Variants in PTPRN2 observed in about 807,000 individuals in gnomAD.
PTPRN2 encodes the protein protein tyrosine phosphatase receptor type N2.
In PTPRN2, 74 loss-of-function variants were observed where a neutral mutation model predicts 118.8. The ratio of observed to expected loss-of-function variants is 0.62; its 90% confidence interval spans 0.52 to 0.76. The LOEUF (loss-of-function observed/expected upper bound fraction) is 0.76, where lower values mean the gene tolerates loss of function less well. PTPRN2 is among the 30% of genes least tolerant of loss of function. The pLI, the probability that PTPRN2 is intolerant of heterozygous loss-of-function variation, is 0.00. For synonymous variants in PTPRN2, 641 were observed against 608.0 expected (o/e 1.05, Z -0.80); for missense variants, 1,481 against 1,394.4 (o/e 1.06, Z -0.99).
intron 21 of PTPRN2, among the ~76,000 whole-genome samples, chr7:157,564,224 C>G (rs142841613): frequency 0.012 from 1,802 of 152,308 alleles, 33 homozygotes; most frequent in African/African-American, 0.041. Context: ...CTCCGCCTCC[C>G]GGGTTCAAGT....
chr7:158,386,235 T>TGTGCC (rs1210449782), intron 2 of PTPRN2, among the ~76,000 whole-genome samples: 1 of 118,850 alleles, frequency 8.4e-6, no homozygotes, highest in African/African-American at 3.4e-5. Flanking sequence ...TCCCTATTTC[T>TGTGCC]GTGCCCCTCC....
At chr7:158,386,583 G>A (rs1811402683) in intron 2 of PTPRN2, among the ~76,000 whole-genome samples, 1 of 152,140 alleles carries the variant, frequency 6.6e-6, no homozygotes, top group South Asian at 2.1e-4. Context: ...GGGCCAGTGG[G>A]GACATGAACC....
At chr7:158,587,023 G>C (rs1828979071) in intron 1 of PTPRN2, among the ~76,000 whole-genome samples, 1 of 152,048 alleles carries the variant, frequency 6.6e-6, no homozygotes, top group African/African-American at 2.4e-5. Context: ...AGAGGCGCGC[G>C]ACCCGTGGCC....
rs1813913630 is a variant in PTPRN2, at chr7:158,089,815, G to A, written c.1644-8438C>T. 9.5e-5 allele frequency among the ~76,000 whole-genome samples: 12 copies of A among 126,756 alleles called. 3 individuals carry two copies. Among genetic ancestry groups the A allele is most frequent in the Non-Finnish European group, 1.4e-4 (8 of 59,198 alleles). 83.2% of individuals were successfully genotyped at this position (126,756 alleles called of 152,430 possible). On this transcript the variant is annotated intron_variant, in intron 10 of 22. Coordinates refer to ENST00000389418, the MANE Select transcript of PTPRN2 (RefSeq NM_002847.5). Reference sequence around the variant, plus strand: ...CCTTCTTCCCCTGACGAAAGAGGGAGTCTTCACACACATCCTTCCTCCCCT... The same window carrying A: ...CCTTCTTCCCCTGACGAAAGAGGGAATCTTCACACACATCCTTCCTCCCCT...
At chr7:158,388,181 C>A (rs554588441) in intron 2 of PTPRN2, among the ~76,000 whole-genome samples, 83 of 152,258 alleles carry the variant, frequency 5.5e-4, no homozygotes, top group Admixed American at 2.4e-3. Flanking sequence ...CCTGTCCACA[C>A]TGAACAAGAA....
At chr7:158,019,061 C>T (rs1045235916) in intron 11 of PTPRN2, among the ~76,000 whole-genome samples, 23 of 150,620 alleles carry the variant, frequency 1.5e-4, no homozygotes, top group African/African-American at 2.9e-4. Flanking sequence ...CTCACTCTAA[C>T]GTGACCCACG....
intron 2 of PTPRN2, among the ~76,000 whole-genome samples, chr7:158,420,099 C>T (rs1815122602): frequency 6.6e-6 from 1 of 152,154 alleles, no homozygotes; most frequent in African/African-American, 2.4e-5. Flanking sequence ...CATTTGTGTC[C>T]AGCACAACAG....
intron 1 of PTPRN2, among the ~76,000 whole-genome samples, chr7:158,553,332 C>G (rs149121992): frequency 6.7e-6 from 1 of 150,028 alleles, no homozygotes; most frequent in African/African-American, 2.5e-5. Flanking sequence ...CTGTCTACAC[C>G]TGTAGGCTTG....
rs374277499 is a variant in PTPRN2 at position 158,331,137 on chromosome 7, C to T, written c.164-14205G>A. On this transcript the variant is annotated intron_variant, in intron 2 of 22. Coordinates refer to ENST00000389418, the MANE Select transcript of PTPRN2 (RefSeq NM_002847.5). Reference sequence around the variant, plus strand: ...CCCACACTCTCACCATAAGAGCTGACGCCCGCAGACGTCACTCACACCCAC... The same window carrying T: ...CCCACACTCTCACCATAAGAGCTGATGCCCGCAGACGTCACTCACACCCAC... Among the ~76,000 whole-genome samples the T allele has an allele frequency of 1.7e-4, 21 of 120,874 alleles. 1 individual carries two copies. The highest frequency in any genetic ancestry group is 7.8e-4 in the East Asian group (3 of 3,824). The allele number at this position is 120,874 out of a possible 152,430, so 79.3% of individuals were successfully genotyped here.
chr7:157,540,537 T>A lies in PTPRN2; in HGVS notation c.*177A>T. 2.1e-6 allele frequency: 1 copy of A among 470,972 alleles called. No homozygotes were observed. Among genetic ancestry groups the A allele is most frequent in the Non-Finnish European group, 3.8e-6 (1 of 266,108 alleles). The allele number at this position is 470,972 out of a possible 1,614,324, so 29.2% of individuals were successfully genotyped here. A position where few individuals can be genotyped will look rare whatever the true frequency, so the allele number is the denominator to read the frequency against. The stretch of plus-strand genomic sequence containing the variant: ...CTGGATTTTTCCACAAATCTCTCTT[T>A]ATTATTGTTTGATTAAACAAAAATA... On this transcript the variant is annotated 3_prime_UTR_variant, in exon 23 of 23. Transcript: ENST00000389418.
At chr7:157,589,052 G>T (rs1443320302) in intron 17 of PTPRN2, among the ~76,000 whole-genome samples, 1 of 152,162 alleles carries the variant, frequency 6.6e-6, no homozygotes, top group Non-Finnish European at 1.5e-5. Context: ...CCGTCACCAC[G>T]CTCTTCAGAG....
chr7:157,658,753 A>G (rs1232308542), intron 13 of PTPRN2, among the ~76,000 whole-genome samples: 2 of 152,238 alleles, frequency 1.3e-5, no homozygotes. Context: ...TGAGTCTGCA[A>G]AGTGAAATGA....
intron 3 of PTPRN2, among the ~76,000 whole-genome samples, chr7:158,269,213 A>C (rs1375599768): frequency 6.6e-6 from 1 of 151,418 alleles, no homozygotes; most frequent in Non-Finnish European, 1.5e-5. Flanking sequence ...ACCCCGCCCC[A>C]GATGCTCCCT....
chr7:157,615,788 G>A lies in PTPRN2; in HGVS notation c.2344+5574C>T, dbSNP rs1342809315. 3.3e-5 allele frequency: 12 copies of A among 366,276 alleles called. No individual in the cohort carries two copies. Among genetic ancestry groups the A allele is most frequent in the Non-Finnish European group, 5.5e-5 (10 of 183,258 alleles). 22.7% of individuals were successfully genotyped at this position (366,276 alleles called of 1,614,324 possible). ...GTTACAGGAGATGAACACAAGGCTC[G>A]ATTCTCCTGTTAAACTTGACTGTCA... On this transcript the variant is annotated intron_variant, in intron 15 of 22. Coordinates refer to ENST00000389418, the MANE Select transcript of PTPRN2 (RefSeq NM_002847.5). This position sits in a 1 kb window ranked among gnomAD's most constrained non-coding sequence, Gnocchi z 4.3.
At chr7:157,691,073 C>G (rs992018826) in intron 12 of PTPRN2, among the ~76,000 whole-genome samples, 1 of 113,988 alleles carries the variant, frequency 8.8e-6, no homozygotes, top group Non-Finnish European at 2.1e-5. Flanking sequence ...GATGTCCCCC[C>G]CCCCCCCCAC....
intron 12 of PTPRN2, among the ~76,000 whole-genome samples, chr7:157,805,299 G>C (rs1357254265): frequency 6.6e-6 from 1 of 151,458 alleles, no homozygotes; most frequent in Non-Finnish European, 1.5e-5. Context: ...CTGTGTGTGT[G>C]TGTGTGTGTG....
At chr7:157,913,178 A>G (rs540699266) in intron 11 of PTPRN2, among the ~76,000 whole-genome samples, 2 of 152,196 alleles carry the variant, frequency 1.3e-5, no homozygotes, top group African/African-American at 2.4e-5. Context: ...TTTTGATGCT[A>G]TTTTAAATGA....
chr7:158,155,479 C>T (rs1187075574), intron 6 of PTPRN2, among the ~76,000 whole-genome samples: 1 of 151,656 alleles, frequency 6.6e-6, no homozygotes, highest in Non-Finnish European at 1.5e-5. Context: ...TCACCATCAC[C>T]ATCATCATCA....
chr7:158,162,643 C>T (rs1357199852), intron 6 of PTPRN2, among the ~76,000 whole-genome samples: 1 of 24,200 alleles, frequency 4.1e-5, no homozygotes, highest in African/African-American at 8.5e-5. Flanking sequence ...TCACCGGCCA[C>T]TGCACGTCAC....
Sources: allele counts gnomAD v4.1 joint callset (sites outside exome capture counted in the v4.1 genomes callset), GRCh38; gene constraint gnomAD v4.1.1; non-coding constraint Gnocchi (gnomAD v3.1); transcripts MANE v1.5; gene names NCBI Gene and HGNC (gene_info 2026-07-23, HGNC 2026-07-21).